RANBP2: variants seen among roughly 807,000 people sequenced by gnomAD.
RANBP2 encodes RAN binding protein 2.
Under a neutral mutation model 303.6 loss-of-function variants are expected in RANBP2, and 57 were observed. That is an observed-to-expected ratio of 0.19 (90% CI 0.15 to 0.23). The LOEUF (loss-of-function observed/expected upper bound fraction) is 0.23. RANBP2 is among the 10% of genes least tolerant of loss of function. RANBP2 has a pLI of 1.00. For missense variants in RANBP2, 3,138 were observed against 3,780.8 expected, an observed-to-expected ratio of 0.83 and a Z score of 4.46; for synonymous variants, 1,167 against 1,301.5, an observed-to-expected ratio of 0.90 and a Z score of 2.23.
At chr2:109,682,185 T>A in the RANBP2 span, among the ~76,000 whole-genome samples, 2 of 152,102 alleles carry the variant, frequency 1.3e-5, no homozygotes, top group Non-Finnish European at 2.9e-5. Flanking sequence ...AATTTCCTGT[T>A]GGGAAAAAGG....
At chr2:109,490,635 C>T in the RANBP2 span, 4 of 1,485,160 alleles carry the variant, frequency 2.7e-6, no homozygotes, top group Non-Finnish European at 3.6e-6. Context: ...CCTGAAGCTT[C>T]TAGCCGGAGC....
chr2:109,712,433 T>C, the RANBP2 span, among the ~76,000 whole-genome samples: 1 of 152,030 alleles, frequency 6.6e-6, no homozygotes, highest in Non-Finnish European at 1.5e-5. Flanking sequence ...AAATTATTTA[T>C]TTTATTTTAT....
the RANBP2 span, among the ~76,000 whole-genome samples, chr2:109,727,094 C>T: frequency 1.3e-5 from 2 of 152,222 alleles, no homozygotes; most frequent in Non-Finnish European, 2.9e-5. Context: ...TGTGCATCAC[C>T]TTCACGGTTT....
chr2:109,080,244 G>A, the RANBP2 span, among the ~76,000 whole-genome samples: 1 of 152,102 alleles, frequency 6.6e-6, no homozygotes, highest in African/African-American at 2.4e-5. Context: ...TTTCCAGGGC[G>A]TGTTATAGCT....
the RANBP2 span, among the ~76,000 whole-genome samples, chr2:109,581,973 G>T: frequency 4.6e-5 from 7 of 152,180 alleles, no homozygotes; most frequent in Middle Eastern, 0.01. Flanking sequence ...CTTCAGTGAA[G>T]TTTCAAGATG....
At chr2:109,233,151 G>T in the RANBP2 span, among the ~76,000 whole-genome samples, 1 of 152,210 alleles carries the variant, frequency 6.6e-6, no homozygotes, top group Non-Finnish European at 1.5e-5. Context: ...GGATGGCTAG[G>T]TGTTAACCAG....
At chr2:109,293,646 G>T in the RANBP2 span, among the ~76,000 whole-genome samples, 3 of 152,352 alleles carry the variant, frequency 2.0e-5, no homozygotes, top group East Asian at 1.9e-4. Context: ...TTGTCTTTGG[G>T]CAGGGCCCTC....
the RANBP2 span, among the ~76,000 whole-genome samples, chr2:109,416,000 G>A: frequency 6.6e-6 from 1 of 152,180 alleles, no homozygotes; most frequent in Non-Finnish European, 1.5e-5. Context: ...GAGCCAGCAT[G>A]CTCAGCCCCC....
downstream of RANBP2, among the ~76,000 whole-genome samples, chr2:108,787,436 A>G (rs1015879481): frequency 1.9e-4 from 29 of 152,012 alleles, no homozygotes; most frequent in African/African-American, 7.0e-4. Flanking sequence ...ATGCCCCTTT[A>G]CCTCTGAATA....
the RANBP2 span, among the ~76,000 whole-genome samples, chr2:109,087,993 G>A: frequency 2.0e-5 from 3 of 152,170 alleles, no homozygotes; most frequent in Non-Finnish European, 4.4e-5. Flanking sequence ...GGCCGGGCGC[G>A]TTGGCTCACG....
chr2:109,424,384 G>C, the RANBP2 span, among the ~76,000 whole-genome samples: 1 of 152,228 alleles, frequency 6.6e-6, no homozygotes, highest in African/African-American at 2.4e-5. Flanking sequence ...CCTGGACCCT[G>C]TCCAGTGGTG....
At chr2:109,695,403 A>G in the RANBP2 span, among the ~76,000 whole-genome samples, 40 of 152,244 alleles carry the variant, frequency 2.6e-4, no homozygotes, top group African/African-American at 7.2e-4. Context: ...ATCCTCTGCA[A>G]TCTCCTTGTG....
chr2:109,531,035 C>T, the RANBP2 span, among the ~76,000 whole-genome samples: 6 of 152,056 alleles, frequency 3.9e-5, no homozygotes, highest in South Asian at 8.3e-4. Context: ...CCTTCCCTCA[C>T]CTCTCTAGCC....
At chr2:108,821,311 T>C in the RANBP2 span, among the ~76,000 whole-genome samples, 1 of 152,128 alleles carries the variant, frequency 6.6e-6, no homozygotes, top group East Asian at 1.9e-4. Flanking sequence ...TGAGCTGATA[T>C]CATGCCATTG....
the RANBP2 span, among the ~76,000 whole-genome samples, chr2:109,659,299 TG>T: frequency 6.9e-6 from 1 of 144,396 alleles, no homozygotes; most frequent in Non-Finnish European, 1.5e-5. Flanking sequence ...ATTGCTTGCC[TG>T]GGAGGCAGAG....
At chr2:109,594,398 G>A in the RANBP2 span, among the ~76,000 whole-genome samples, 1 of 152,130 alleles carries the variant, frequency 6.6e-6, no homozygotes, top group Non-Finnish European at 1.5e-5. Flanking sequence ...CTTCCAGAGA[G>A]AGGCTGTGCA....
At chr2:109,353,929 T>A in the RANBP2 span, among the ~76,000 whole-genome samples, 2 of 151,972 alleles carry the variant, frequency 1.3e-5, no homozygotes, top group African/African-American at 4.8e-5. Context: ...TTCAGATACG[T>A]GAACACGATG....
At chr2:109,192,518 T>C in the RANBP2 span, among the ~76,000 whole-genome samples, 1 of 152,222 alleles carries the variant, frequency 6.6e-6, no homozygotes. Context: ...AAGCCTTTCT[T>C]ATAGAGATTT....
chr2:109,021,882 C>T, the RANBP2 span, among the ~76,000 whole-genome samples: 6 of 152,244 alleles, frequency 3.9e-5, no homozygotes, highest in Admixed American at 3.3e-4. Context: ...CTGTGAGGCA[C>T]GATTTTTCAC....
Sources: allele counts gnomAD v4.1 joint callset (sites outside exome capture counted in the v4.1 genomes callset), GRCh38; gene constraint gnomAD v4.1.1; transcripts MANE v1.5; gene names NCBI Gene and HGNC (gene_info 2026-07-23, HGNC 2026-07-21).